Variants in MEF2C observed in about 807,000 individuals in gnomAD.
The protein encoded by MEF2C is myocyte enhancer factor 2C.
Under a neutral mutation model 50.5 loss-of-function variants are expected in MEF2C, and 6 were observed. The observed-to-expected ratio is 0.12, with a 90% confidence interval of 0.07 to 0.23. The LOEUF is 0.23. Ranked by LOEUF, MEF2C falls within the 10% of genes least tolerant of loss-of-function variation. The pLI is 1.00. For missense variants in MEF2C, 276 were observed against 605.0 expected (o/e 0.46, Z 5.70); for synonymous variants, 183 against 228.0 (o/e 0.80, Z 1.78).
At chr5:88,823,650 A>G (rs573993027) in intron 2 of MEF2C, 85 bp downstream of exon 2, 2 of 1,272,146 alleles carry the variant, frequency 1.6e-6, no homozygotes, top group African/African-American at 3.0e-5. Flanking sequence ...ATATTTACAG[A>G]TTCAAGATAT....
chr5:88,764,106 C>A (rs1427707659), intron 3 of MEF2C, among the ~76,000 whole-genome samples: 1 of 152,116 alleles, frequency 6.6e-6, no homozygotes, highest in African/African-American at 2.4e-5. Flanking sequence ...AGATTTCTGA[C>A]AACAGAATGC....
At chr5:88,872,058 G>T (rs1453328922) in intron 1 of MEF2C, among the ~76,000 whole-genome samples, 4 of 151,780 alleles carry the variant, frequency 2.6e-5, no homozygotes, top group Admixed American at 6.6e-5. Flanking sequence ...GAAATATAAA[G>T]ACTAAAAGAA....
intron 1 of MEF2C, among the ~76,000 whole-genome samples, chr5:88,837,371 G>A (rs1208975110): frequency 6.6e-6 from 1 of 152,114 alleles, no homozygotes; most frequent in Non-Finnish European, 1.5e-5. Context: ...TTCACTTGAA[G>A]TAAAAGTATT....
intron 6 of MEF2C, chr5:88,734,042 A>C: frequency 1.0e-6 from 1 of 985,188 alleles, no homozygotes; most frequent in Non-Finnish European, 1.2e-6. Flanking sequence ...AAAAACAAAC[A>C]AAAGAGAGTA....
intron 3 of MEF2C, chr5:88,785,502 T>C (rs1040449894): frequency 5.3e-5 from 8 of 152,266 alleles, no homozygotes; most frequent in African/African-American, 1.9e-4. Context: ...GGATACAGAC[T>C]GAACAAGAGA....
intron 2 of MEF2C, among the ~76,000 whole-genome samples, chr5:88,805,956 A>AAAAT (rs1562140629): frequency 6.8e-6 from 1 of 147,634 alleles, no homozygotes; most frequent in Admixed American, 7.0e-5. Flanking sequence ...CTGTTCCTAT[A>AAAAT]AAATACTCCT....
chr5:88,817,486 G>A (rs1469060114), intron 2 of MEF2C, among the ~76,000 whole-genome samples: 1 of 151,880 alleles, frequency 6.6e-6, no homozygotes, highest in Admixed American at 6.6e-5. Flanking sequence ...CTGAGATGGG[G>A]ACATAAGAAG....
At chr5:88,833,337 A>G (rs1411410307) in intron 1 of MEF2C, among the ~76,000 whole-genome samples, 1 of 152,166 alleles carries the variant, frequency 6.6e-6, no homozygotes, top group African/African-American at 2.4e-5. Flanking sequence ...AATATTTCTC[A>G]TGTATTATAG....
intron 1 of MEF2C, among the ~76,000 whole-genome samples, chr5:88,881,519 A>T (rs1832820293): frequency 6.6e-6 from 1 of 152,334 alleles, no homozygotes; most frequent in Non-Finnish European, 1.5e-5. Context: ...TTAAAATTAA[A>T]TAAGATGTTT....
intron 6 of MEF2C, chr5:88,738,703 C>T (rs1438971119): frequency 1.0e-6 from 1 of 985,224 alleles, no homozygotes; most frequent in Non-Finnish European, 1.2e-6. Context: ...GAGGACACAA[C>T]TAGGGACAGG....
At chr5:88,775,949 C>A (rs2152818545) in intron 3 of MEF2C, 1 of 310,032 alleles carries the variant, frequency 3.2e-6, no homozygotes, top group South Asian at 1.3e-4. Flanking sequence ...TCATTTATAA[C>A]TTTAAAAGGA....
intron 2 of MEF2C, 129 bp from the exon 3 acceptor site, chr5:88,804,930 T>G (rs551608191): frequency 1.5e-6 from 1 of 648,726 alleles, no homozygotes; most frequent in South Asian, 2.1e-5. Flanking sequence ...ACTAACACAT[T>G]CAGAAAGAAA....
At chr5:88,741,858 AAC>A (rs1581585072) in intron 6 of MEF2C, 1 of 985,340 alleles carries the variant, frequency 1.0e-6, no homozygotes, top group African/African-American at 1.7e-5. Context: ...ATAATAAATA[AAC>A]ACAGTGAACA....
chr5:88,792,429 T>C (rs1283458726), intron 3 of MEF2C, among the ~76,000 whole-genome samples: 2 of 152,182 alleles, frequency 1.3e-5, no homozygotes, highest in African/African-American at 4.8e-5. Context: ...GAAGTGAACA[T>C]TTATGCTCTG....
chr5:88,731,993 T>G, intron 6 of MEF2C, 92 bp from the exon 7 acceptor site: 1 of 1,191,620 alleles, frequency 8.4e-7, no homozygotes, highest in Non-Finnish European at 1.2e-6. Context: ...AACAAAAGCT[T>G]AATGGTAAGA....
chr5:88,884,614 C>G (rs1197230887), upstream of MEF2C: 1 of 144,228 alleles, frequency 6.9e-6, no homozygotes, highest in Non-Finnish European at 1.5e-5. Flanking sequence ...CCACACCTTA[C>G]TGGACTTCAT....
chr5:88,823,713 A>C (rs776671338), intron 2 of MEF2C, 22 bp downstream of exon 2: 7 of 1,581,118 alleles, frequency 4.4e-6, no homozygotes, highest in South Asian at 1.2e-5. Context: ...ATAATGATAC[A>C]AAAAAAGTTT....
intron 1 of MEF2C, among the ~76,000 whole-genome samples, chr5:88,843,805 CTTT>C (rs35382083): frequency 9.2e-5 from 12 of 129,852 alleles, no homozygotes; most frequent in Admixed American, 4.8e-4. Flanking sequence ...TCCTGTGAAA[CTTT>C]TTTTTTTTTT....
chr5:88,824,966 T>G (rs1159355874), intron 1 of MEF2C: 1 of 151,988 alleles, frequency 6.6e-6, no homozygotes, highest in Non-Finnish European at 1.5e-5. Context: ...AAGAAAGCAT[T>G]CCACAATGGG....
Sources: allele counts gnomAD v4.1 joint callset (sites outside exome capture counted in the v4.1 genomes callset), GRCh38; gene constraint gnomAD v4.1.1; transcripts MANE v1.5; gene names NCBI Gene and HGNC (gene_info 2026-07-23, HGNC 2026-07-21).